The following TBC1D22A variants were observed in gnomAD, a reference collection of about 807,000 sequenced individuals.
TBC1D22A encodes the protein TBC1 domain family member 22A.
Under a neutral mutation model 60.2 loss-of-function variants are expected in TBC1D22A, and 38 were observed. The observed-to-expected ratio is 0.63, with a 90% CI of 0.49 to 0.83. TBC1D22A has a LOEUF of 0.83. Among genes scored for constraint, TBC1D22A ranks in the 40% least tolerant of loss-of-function variants. The pLI is 0.00. For missense variants in TBC1D22A, 628 were observed against 701.0 expected, an observed-to-expected ratio of 0.90 and a Z score of 1.18; for synonymous variants, 302 against 281.7, an observed-to-expected ratio of 1.07 and a Z score of -0.72.
intron 12 of TBC1D22A, among the ~76,000 whole-genome samples, chr22:47,128,986 G>A (rs1370703144): frequency 2.0e-5 from 3 of 152,278 alleles, no homozygotes; most frequent in South Asian, 2.1e-4. Flanking sequence ...ATGGGTAGCC[G>A]GGTGCATGTC....
chr22:46,782,038 C>CA (rs1453505980), intron 1 of TBC1D22A, among the ~76,000 whole-genome samples: 3 of 152,194 alleles, frequency 2.0e-5, no homozygotes, highest in African/African-American at 7.2e-5. Context: ...CATGGTGGGA[C>CA]AAGTGGACTT....
chr22:46,787,168 T>C (rs1366663058), intron 1 of TBC1D22A, among the ~76,000 whole-genome samples: 3 of 152,262 alleles, frequency 2.0e-5, no homozygotes, highest in Non-Finnish European at 2.9e-5. Context: ...TTGATAATAA[T>C]GTCTTTTCCA....
intron 9 of TBC1D22A, among the ~76,000 whole-genome samples, chr22:46,988,743 C>T (rs1457145042): frequency 2.0e-5 from 3 of 152,202 alleles, no homozygotes; most frequent in Non-Finnish European, 4.4e-5. Context: ...GAGCATGCTT[C>T]TTAAGGGTCC....
intron 8 of TBC1D22A, among the ~76,000 whole-genome samples, chr22:46,919,963 C>T (rs892790685): frequency 7.2e-5 from 11 of 152,132 alleles, no homozygotes; most frequent in African/African-American, 2.4e-4. Context: ...AAGAGGGAAC[C>T]TTTATGGCAA....
intron 7 of TBC1D22A, among the ~76,000 whole-genome samples, chr22:46,901,933 C>T (rs1296600001): frequency 1.0e-5 from 1 of 98,344 alleles, no homozygotes; most frequent in Non-Finnish European, 2.2e-5. Flanking sequence ...TAAAATTTCT[C>T]AAATCAGATT....
At chr22:46,860,930 C>T (rs2087843776) in intron 4 of TBC1D22A, among the ~76,000 whole-genome samples, 3 of 152,190 alleles carry the variant, frequency 2.0e-5, no homozygotes, top group Non-Finnish European at 4.4e-5. Flanking sequence ...AGGCTCTGCT[C>T]ATTCTGAGAA....
At chr22:47,139,291 G>GT (rs780385403) in intron 12 of TBC1D22A, among the ~76,000 whole-genome samples, 2 of 152,244 alleles carry the variant, frequency 1.3e-5, no homozygotes, top group Non-Finnish European at 2.9e-5. Context: ...CTGGGGCCCA[G>GT]TTGCTGAGGA....
At chr22:47,076,648 C>G (rs1019241933) in intron 11 of TBC1D22A, among the ~76,000 whole-genome samples, 1 of 151,954 alleles carries the variant, frequency 6.6e-6, no homozygotes, top group African/African-American at 2.4e-5. Flanking sequence ...CACTTGTTCT[C>G]CCTCCCATTT....
At chr22:47,096,808 C>A (rs140480442) in intron 11 of TBC1D22A, among the ~76,000 whole-genome samples, 1 of 152,034 alleles carries the variant, frequency 6.6e-6, no homozygotes, top group Non-Finnish European at 1.5e-5. Flanking sequence ...GGTGGCAGAG[C>A]GAGACTCTGT....
intron 11 of TBC1D22A, among the ~76,000 whole-genome samples, chr22:47,106,477 A>G (rs1454494380): frequency 6.6e-6 from 1 of 152,254 alleles, no homozygotes; most frequent in Admixed American, 6.5e-5. Flanking sequence ...CTAGAAGATG[A>G]TAGAGTATCA....
chr22:46,855,792 C>A (rs1407621766), intron 4 of TBC1D22A, among the ~76,000 whole-genome samples: 1 of 152,168 alleles, frequency 6.6e-6, no homozygotes, highest in East Asian at 1.9e-4. Flanking sequence ...GCCATCCGAG[C>A]CTTTCTTCTA....
intron 4 of TBC1D22A, among the ~76,000 whole-genome samples, chr22:46,835,856 A>T (rs1295164535): frequency 6.6e-6 from 1 of 152,218 alleles, no homozygotes; most frequent in Non-Finnish European, 1.5e-5. Context: ...CTTGTCATAT[A>T]CAAGAGAATG....
intron 11 of TBC1D22A, among the ~76,000 whole-genome samples, chr22:47,050,395 C>T (rs1415325960): frequency 6.6e-6 from 1 of 152,236 alleles, no homozygotes; most frequent in Non-Finnish European, 1.5e-5. Context: ...CAGAAACACC[C>T]TGATTCTATT....
At chr22:46,899,199 C>A (rs1403285551) in intron 7 of TBC1D22A, among the ~76,000 whole-genome samples, 1 of 152,108 alleles carries the variant, frequency 6.6e-6, no homozygotes, top group Admixed American at 6.6e-5. Context: ...GTAATCCCAG[C>A]ACTTCAGGAG....
intron 9 of TBC1D22A, among the ~76,000 whole-genome samples, chr22:46,976,151 A>G (rs1241734864): frequency 1.3e-5 from 2 of 152,260 alleles, no homozygotes; most frequent in African/African-American, 2.4e-5. Context: ...CCATTTAAAT[A>G]CAAGATTATC....
In TBC1D22A at chr22:46,894,648, A is replaced by G. The variant is rs1006864984; in HGVS notation, c.838-136A>G. On this transcript the variant is annotated intron_variant, in intron 6 of 12. Transcript: ENST00000337137. ...TTCAGGGGAGAAGGTGGTAACATGG[A>G]GAACGAGAATCCTCAAGGAGAGAGC... 8.9e-6 allele frequency: 9 copies of G among 1,014,584 alleles called. No individual in the cohort carries two copies. The African/African-American group carries it at 9.5e-5, about 11-fold the overall frequency. 62.8% of individuals were successfully genotyped at this position (1,014,584 alleles called of 1,614,324 possible). A position where few individuals can be genotyped will look rare whatever the true frequency, so the allele number is the denominator to read the frequency against.
chr22:46,865,601 T>A (rs1176758440), intron 4 of TBC1D22A, among the ~76,000 whole-genome samples: 2 of 152,168 alleles, frequency 1.3e-5, no homozygotes, highest in Admixed American at 6.5e-5. Context: ...CCAAGGGAAA[T>A]GAGACCCTTC....
intron 4 of TBC1D22A, among the ~76,000 whole-genome samples, chr22:46,849,821 C>G (rs1057323360): frequency 5.9e-5 from 9 of 152,168 alleles, no homozygotes; most frequent in African/African-American, 2.2e-4. Flanking sequence ...TTCTCTCATT[C>G]GGTTATGATT....
intron 12 of TBC1D22A, among the ~76,000 whole-genome samples, chr22:47,143,848 A>G (rs925356972): frequency 1.3e-5 from 2 of 152,222 alleles, no homozygotes; most frequent in African/African-American, 4.8e-5. Flanking sequence ...AAGGTTGACA[A>G]CTACAGCCCT....
Sources: allele counts gnomAD v4.1 joint callset (sites outside exome capture counted in the v4.1 genomes callset), GRCh38; gene constraint gnomAD v4.1.1; transcripts MANE v1.5; gene names NCBI Gene and HGNC (gene_info 2026-07-23, HGNC 2026-07-21).